Variants in IQCJ observed in about 807,000 individuals in gnomAD.
IQCJ encodes IQ domain-containing protein J.
IQCJ carries 9 observed loss-of-function variants against 11.0 expected under a neutral mutation model. The observed-to-expected ratio is 0.82, with a 90% CI of 0.49 to 1.43. IQCJ has a LOEUF of 1.43. Among genes scored for constraint, IQCJ ranks in the 40% most tolerant of loss-of-function variants. The probability of loss-of-function intolerance (pLI) is 0.00; values close to 1 mark genes in which losing one functional copy is unlikely to be tolerated. For missense variants in IQCJ, 146 were observed against 133.2 expected, an observed-to-expected ratio of 1.10 and a Z score of -0.47; for synonymous variants, 55 against 51.3, an observed-to-expected ratio of 1.07 and a Z score of -0.31.
intron 1 of IQCJ, among the ~76,000 whole-genome samples, chr3:159,164,530 G>A (rs893381326): frequency 2.6e-5 from 4 of 152,200 alleles, no homozygotes. Flanking sequence ...CACTTTGTAA[G>A]GCCAAGGTGG....
At chr3:159,077,081 C>A (rs1715973483) in intron 1 of IQCJ, among the ~76,000 whole-genome samples, 1 of 152,088 alleles carries the variant, frequency 6.6e-6, no homozygotes, top group South Asian at 2.1e-4. Flanking sequence ...ATTCACAGTA[C>A]ATTTAGGGGC....
intron 1 of IQCJ, among the ~76,000 whole-genome samples, chr3:159,161,370 T>A (rs1273256406): frequency 6.6e-6 from 1 of 152,210 alleles, no homozygotes; most frequent in Non-Finnish European, 1.5e-5. Flanking sequence ...CACTTTTTGA[T>A]GTGGTTGTTT....
chr3:159,148,125 G>A (rs1288083331), intron 1 of IQCJ, among the ~76,000 whole-genome samples: 3 of 152,210 alleles, frequency 2.0e-5, no homozygotes, highest in Non-Finnish European at 4.4e-5. Context: ...AAAGTAGATT[G>A]CCTGGCTGTA....
chr3:159,185,172 A>T (rs1457563429), intron 1 of IQCJ, among the ~76,000 whole-genome samples: 1 of 152,200 alleles, frequency 6.6e-6, no homozygotes, highest in African/African-American at 2.4e-5. Flanking sequence ...GTAATCAGAA[A>T]ACTAGGATGC....
chr3:159,101,592 C>G (rs905901715), intron 1 of IQCJ, among the ~76,000 whole-genome samples: 3 of 152,182 alleles, frequency 2.0e-5, no homozygotes, highest in African/African-American at 7.2e-5. Flanking sequence ...TTCTCTGCAC[C>G]TCATCTTTGC....
At chr3:159,073,645 A>T (rs116458112) in intron 1 of IQCJ, among the ~76,000 whole-genome samples, 1 of 151,970 alleles carries the variant, frequency 6.6e-6, no homozygotes. Flanking sequence ...GCATCCTCCC[A>T]CTAGTCTCTT....
intron 1 of IQCJ, among the ~76,000 whole-genome samples, chr3:159,189,372 A>T (rs1202774495): frequency 1.3e-5 from 2 of 152,232 alleles, no homozygotes; most frequent in African/African-American, 4.8e-5. Flanking sequence ...GCTATCTATA[A>T]TTAACAAATC....
chr3:159,227,961 C>T (rs1052011971), intron 1 of IQCJ, among the ~76,000 whole-genome samples: 14 of 152,168 alleles, frequency 9.2e-5, no homozygotes, highest in Non-Finnish European at 1.5e-4. Context: ...GAAGAGTAGT[C>T]ATCAGGCTGG....
At chr3:159,155,939 C>G (rs756443657) in intron 1 of IQCJ, among the ~76,000 whole-genome samples, 19 of 152,146 alleles carry the variant, frequency 1.2e-4, no homozygotes, top group Non-Finnish European at 1.9e-4. Flanking sequence ...GGTTGTAGAT[C>G]ATTTCTGAGG....
intron 1 of IQCJ, among the ~76,000 whole-genome samples, chr3:159,238,755 A>G (rs955096853): frequency 2.6e-5 from 4 of 152,076 alleles, no homozygotes; most frequent in African/African-American, 9.7e-5. Context: ...TAGAAGAGTT[A>G]GAGGCATGTT....
At chr3:159,211,994 G>C (rs1425385342) in intron 1 of IQCJ, among the ~76,000 whole-genome samples, 3 of 151,520 alleles carry the variant, frequency 2.0e-5, no homozygotes, top group Non-Finnish European at 4.4e-5. Flanking sequence ...ACTGCTGAGA[G>C]AATAAATCTA....
At chr3:159,237,759 G>A (rs148626046) in intron 1 of IQCJ, among the ~76,000 whole-genome samples, 4 of 152,294 alleles carry the variant, frequency 2.6e-5, no homozygotes, top group Non-Finnish European at 5.9e-5. Context: ...GAGTCTAACC[G>A]AACCAGGTTC....
At chr3:159,155,306 C>T (rs1189526515) in intron 1 of IQCJ, among the ~76,000 whole-genome samples, 13 of 150,674 alleles carry the variant, frequency 8.6e-5, no homozygotes, top group East Asian at 2.0e-4. Flanking sequence ...TACAGGCACA[C>T]GCCATCACAC....
intron 1 of IQCJ, among the ~76,000 whole-genome samples, chr3:159,153,431 T>G (rs577402918): frequency 3.3e-5 from 5 of 152,328 alleles, no homozygotes; most frequent in African/African-American, 1.2e-4. Context: ...AGTGGAGTTG[T>G]GTGCTTGTCA....
chr3:159,249,271 G>A (rs1458140044), intron 2 of IQCJ, among the ~76,000 whole-genome samples: 1 of 152,238 alleles, frequency 6.6e-6, no homozygotes, highest in East Asian at 1.9e-4. Context: ...TCTTCTCTCA[G>A]GAAGATATTT....
At chr3:159,212,905 G>A (rs183935287) in intron 1 of IQCJ, among the ~76,000 whole-genome samples, 8 of 152,312 alleles carry the variant, frequency 5.3e-5, no homozygotes, top group African/African-American at 1.9e-4. Flanking sequence ...AGCAACTTTT[G>A]TTGTCACCAT....
Position 159,200,245 on chromosome 3 carries a change from C to T in IQCJ, c.10-45598C>T, listed in dbSNP as rs77867483. On this transcript the variant is annotated intron_variant, in intron 1 of 3. Transcript: ENST00000397832. ...AGCTGGTTATTGGCACAGCCAGAGC[C>T]GGTATCCAGATGTCTTATCTCTTGA... 3.5e-3 allele frequency among the ~76,000 whole-genome samples: 534 copies of T among 151,696 alleles called. 4 individuals are homozygous for T. The highest frequency in any genetic ancestry group is 0.012 in the African/African-American group (484 of 41,256).
chr3:159,118,943 C>T (rs1719190178), intron 1 of IQCJ, among the ~76,000 whole-genome samples: 1 of 152,150 alleles, frequency 6.6e-6, no homozygotes, highest in Non-Finnish European at 1.5e-5. Context: ...GGAGCATGTT[C>T]TTAGAATGGA....
chr3:159,254,359 C>G (rs559078478), intron 3 of IQCJ, among the ~76,000 whole-genome samples: 1 of 152,120 alleles, frequency 6.6e-6, no homozygotes, highest in African/African-American at 2.4e-5. Flanking sequence ...GCTTCAGATT[C>G]CAGCCAGCTC....
Sources: gnomAD v4.1 joint callset for allele counts (sites outside exome capture counted in the v4.1 genomes callset) on GRCh38, gnomAD v4.1.1 for gene constraint, MANE v1.5 for transcripts, NCBI Gene and HGNC (gene_info 2026-07-23, HGNC 2026-07-21) for gene names.